The following MTCH1 variants were observed in gnomAD, a reference collection of about 807,000 sequenced individuals.
MTCH1 encodes mitochondrial carrier 1.
A neutral mutation model predicts 49.3 loss-of-function variants in MTCH1; 23 were observed. That is an observed-to-expected ratio of 0.47 (90% CI 0.34 to 0.66). The LOEUF is 0.66. MTCH1 is among the 30% of genes least tolerant of loss of function. The pLI is 0.01. For missense variants in MTCH1, 397 were observed against 532.1 expected (o/e 0.75, Z 2.50); for synonymous variants, 229 against 215.2 (o/e 1.06, Z -0.56).
At chr6:36,974,887 T>C (rs914073596) in intron 7 of MTCH1, among the ~76,000 whole-genome samples, 1 of 152,198 alleles carries the variant, frequency 6.6e-6, no homozygotes, top group African/African-American at 2.4e-5. Context: ...GTTTGTGACA[T>C]ACTTATCAGC....
chr6:36,975,858 A>C, intron 6 of MTCH1, 141 bp from the exon 7 acceptor site: 1 of 710,162 alleles, frequency 1.4e-6, no homozygotes, highest in Non-Finnish European at 2.4e-6. Context: ...ACCATGAAGA[A>C]CCAAGTAGAA....
rs1289773439 is a variant in MTCH1 at position 36,977,184 on chromosome 6, C to T, written c.701+15G>A. On this transcript the variant is annotated intron_variant, in intron 6 of 11. Coordinates refer to ENST00000373627, the MANE Select transcript of MTCH1 (RefSeq NM_001271641.2). The surrounding 1 kb of genome is among the most constrained non-coding windows in gnomAD (Gnocchi z 5.4). ...GGGTAACAGGGCCACTCTGCCAGTC[C>T]CAAGAGTTACCCACCTGTACTTGGC... is the stretch of plus-strand genomic sequence containing the variant. The T allele has an allele frequency of 1.9e-6, 3 of 1,613,768 alleles. No individual in the cohort carries two copies. The highest frequency in any genetic ancestry group is 2.2e-5 in the South Asian group (2 of 91,082).
chr6:36,975,823 C>A (rs1359046475), intron 6 of MTCH1, 106 bp from the exon 7 acceptor site: 7 of 1,014,198 alleles, frequency 6.9e-6, no homozygotes, highest in East Asian at 2.5e-5. Context: ...TCCAGCCAGT[C>A]CTGGCAGGGA....
At chr6:36,984,485 C>T (rs1416129015) in intron 1 of MTCH1, among the ~76,000 whole-genome samples, 2 of 152,108 alleles carry the variant, frequency 1.3e-5, no homozygotes, top group Non-Finnish European at 2.9e-5. Context: ...TTCTCAAGGC[C>T]TTCTCATTCC....
chr6:36,980,516 C>T (rs1021570632), intron 2 of MTCH1, among the ~76,000 whole-genome samples: 1 of 152,250 alleles, frequency 6.6e-6, no homozygotes, highest in Non-Finnish European at 1.5e-5. Context: ...AACACAAACA[C>T]ATTTCCTCAC....
rs1583251133 is a variant in MTCH1, at chr6:36,972,533, G to A, written c.906+119C>T. On this transcript the variant is annotated intron_variant, in intron 8 of 11. Coordinates refer to ENST00000373627, the MANE Select transcript of MTCH1 (RefSeq NM_001271641.2). This position sits in a 1 kb window ranked among gnomAD's most constrained non-coding sequence, Gnocchi z 4.1. ...AGACAAAGATGACTCCAGGGATAAT[G>A]AGAGGTCCTCTCTCACCCTCCCGGC... 1 of 1,240,502 alleles carries A rather than the reference G, an allele frequency of 8.1e-7. No homozygotes were observed. Among genetic ancestry groups the A allele is most frequent in the Non-Finnish European group, 1.1e-6 (1 of 912,840 alleles). The allele number at this position is 1,240,502 out of a possible 1,614,324, so 76.8% of individuals were successfully genotyped here.
chr6:36,972,553 C>A lies in MTCH1; in HGVS notation c.906+99G>T. On this transcript the variant is annotated intron_variant, in intron 8 of 11. Coordinates refer to ENST00000373627, the MANE Select transcript of MTCH1 (RefSeq NM_001271641.2). This position sits in a 1 kb window ranked among gnomAD's most constrained non-coding sequence, Gnocchi z 4.1. ...ATAATGAGAGGTCCTCTCTCACCCT[C>A]CCGGCCTGATGCTGAGAATCCCAGA... is the stretch of plus-strand genomic sequence containing the variant. The A allele has an allele frequency of 7.1e-7, 1 of 1,414,004 alleles. No homozygotes were observed. The highest frequency in any genetic ancestry group is 9.5e-7 in the Non-Finnish European group (1 of 1,049,604). 87.6% of individuals were successfully genotyped at this position (1,414,004 alleles called of 1,614,324 possible).
intron 6 of MTCH1, chr6:36,976,460 G>A (rs1260080050): frequency 6.5e-6 from 3 of 464,542 alleles, no homozygotes; most frequent in African/African-American, 2.0e-5. Flanking sequence ...TCAGAACAGT[G>A]GTGGCCAGAT....
chr6:36,977,237 G>A lies in MTCH1; in HGVS notation c.663C>T (p.Arg221=), dbSNP rs1763911882. 1.2e-6 allele frequency: 2 copies of A among 1,613,974 alleles called. No individual in the cohort carries two copies. Among genetic ancestry groups the A allele is most frequent in the African/African-American group, 1.3e-5 (1 of 74,908 alleles). Residue 221 remains arginine (R), a synonymous_variant, in exon 6 of 12, where the codon CGC becomes CGT. Coordinates refer to ENST00000373627, the MANE Select transcript of MTCH1 (RefSeq NM_001271641.2). The surrounding 1 kb of genome is among the most constrained non-coding windows in gnomAD (Gnocchi z 5.4). ...LAHPLHVISM[R]CMVQFVGREA... The stretch of plus-strand genomic sequence containing the variant: ...CCCGTCCCACAAACTGGACCATGCA[G>A]CGCATTGAGATGACTGAGGAAAAAA...
chr6:36,982,384 A>AT lies in MTCH1; in HGVS notation c.322-713dup, dbSNP rs574954896. Among the ~76,000 whole-genome samples, 1,610 of 148,400 alleles carry AT rather than the reference A, an allele frequency of 0.011. 26 individuals are homozygous for AT. The highest frequency in any genetic ancestry group is 0.053 in the South Asian group (250 of 4,682). The stretch of plus-strand genomic sequence containing the variant: ...TTATATCTGAAATATTTATTTATTT[A>AT]TTTTTTTTTTTGAGATGGAGTTTCA... On this transcript the variant is annotated intron_variant, in intron 1 of 11. Transcript: ENST00000373627. The surrounding 1 kb of genome is among the most constrained non-coding windows in gnomAD (Gnocchi z 4.1).
rs1764312508 is a variant in MTCH1, at chr6:36,986,184, G to A, written c.-11C>T. The A allele has an allele frequency of 2.8e-6, 4 of 1,424,094 alleles. No homozygotes were observed. Among genetic ancestry groups the A allele is most frequent in the Non-Finnish European group, 3.6e-6 (4 of 1,097,640 alleles). 88.2% of individuals were successfully genotyped at this position (1,424,094 alleles called of 1,614,324 possible). A position where few individuals can be genotyped will look rare whatever the true frequency, so the allele number is the denominator to read the frequency against. ...GTCCGAAGCTCCCATGGCGCCCGGC[G>A]GCGAGGTCACTCCCCGTCACGTGAC... On this transcript the variant is annotated 5_prime_UTR_variant, in exon 1 of 12. Coordinates refer to ENST00000373627, the MANE Select transcript of MTCH1 (RefSeq NM_001271641.2).
rs375932293 is a variant in MTCH1, at chr6:36,972,963, G to A, written c.762-167C>T. ...AGGGTCCAGCAGCTATGCACACTGG[G>A]AAGATAGTGCTCCTTTTCCCATGGG... On this transcript the variant is annotated intron_variant, in intron 7 of 11. Coordinates refer to ENST00000373627, the MANE Select transcript of MTCH1 (RefSeq NM_001271641.2). The surrounding 1 kb of genome is among the most constrained non-coding windows in gnomAD (Gnocchi z 4.1). Among the ~76,000 whole-genome samples the A allele has an allele frequency of 1.3e-3, 193 of 152,256 alleles. 1 individual carries two copies. The highest frequency in any genetic ancestry group is 1.8e-3 in the Admixed American group (27 of 15,298).
intron 2 of MTCH1, among the ~76,000 whole-genome samples, chr6:36,979,674 G>A (rs1026775409): frequency 2.0e-5 from 3 of 152,158 alleles, no homozygotes; most frequent in Non-Finnish European, 4.4e-5. Flanking sequence ...AGGAGGGGAG[G>A]GGATGCTGGG....
At chr6:36,980,091 G>C (rs1428370805) in intron 2 of MTCH1, among the ~76,000 whole-genome samples, 2 of 152,202 alleles carry the variant, frequency 1.3e-5, no homozygotes, top group Non-Finnish European at 2.9e-5. Flanking sequence ...CTGTACCAGA[G>C]AGCCAAATGG....
rs145617112 is a variant in MTCH1 at position 36,971,466 on chromosome 6, A to G, written c.907-772T>C. Among the ~76,000 whole-genome samples the G allele has an allele frequency of 5.7e-4, 86 of 152,212 alleles. 2 individuals are homozygous for G. In the East Asian group the frequency reaches 0.016, roughly 28 times the overall value. ...GCACTCCTGGCCACCCTTGCTCTGT[A>G]TGTGACAGCAGCAGCTTACCCACCC... On this transcript the variant is annotated intron_variant, in intron 8 of 11. Coordinates refer to ENST00000373627, the MANE Select transcript of MTCH1 (RefSeq NM_001271641.2).
At chr6:36,969,017 G>A (rs762569915) in intron 11 of MTCH1, 43 bp from the exon 12 acceptor site, 20 of 1,607,538 alleles carry the variant, frequency 1.2e-5, no homozygotes, top group African/African-American at 1.1e-4. Context: ...GGGAGGCCAC[G>A]CTTCCTTGTC....
intron 2 of MTCH1, among the ~76,000 whole-genome samples, chr6:36,980,169 C>A (rs1764035575): frequency 6.6e-6 from 1 of 152,226 alleles, no homozygotes; most frequent in Admixed American, 6.5e-5. Context: ...CTGCTCACAC[C>A]TAGATTAAAG....
At chr6:36,981,448 A>C in intron 2 of MTCH1, 140 bp downstream of exon 2, 1 of 714,102 alleles carries the variant, frequency 1.4e-6, no homozygotes, top group Non-Finnish European at 2.3e-6. Flanking sequence ...CTCTCTGTAC[A>C]CGCTTAGATC....
Position 36,972,601 on chromosome 6 carries a change from C to A in MTCH1, c.906+51G>T, listed in dbSNP as rs1236923339. 15 of 1,525,538 alleles carry A rather than the reference C, an allele frequency of 9.8e-6. No individual in the cohort carries two copies. The highest frequency in any genetic ancestry group is 1.3e-5 in the Non-Finnish European group (15 of 1,128,094). 94.5% of individuals were successfully genotyped at this position (1,525,538 alleles called of 1,614,324 possible). ...AGAATCCTTGAGTTTGTCCCAGACC[C>A]TGGGCATCAGCAGCACACGGAAAGA... On this transcript the variant is annotated intron_variant, in intron 8 of 11. Transcript: ENST00000373627. This position sits in a 1 kb window ranked among gnomAD's most constrained non-coding sequence, Gnocchi z 4.1.
Sources: allele counts gnomAD v4.1 joint callset (sites outside exome capture counted in the v4.1 genomes callset), GRCh38; gene constraint gnomAD v4.1.1; non-coding constraint Gnocchi (gnomAD v3.1); transcripts MANE v1.5; gene names NCBI Gene and HGNC (gene_info 2026-07-23, HGNC 2026-07-21).